The following ANKRD31 variants were observed in gnomAD, a reference collection of about 807,000 sequenced individuals.
ANKRD31 encodes the protein ankyrin repeat domain 31.
In ANKRD31, 147 loss-of-function variants were observed where a neutral mutation model predicts 186.0. The observed-to-expected ratio is 0.79, with a 90% CI of 0.69 to 0.91. The LOEUF (loss-of-function observed/expected upper bound fraction) is 0.91. Among genes scored for constraint, ANKRD31 ranks in the 40% least tolerant of loss-of-function variants. The pLI is 0.00. For missense variants in ANKRD31, 1,986 were observed against 2,148.8 expected (o/e 0.92, Z 1.50); for synonymous variants, 673 against 736.4 (o/e 0.91, Z 1.39).
chr5:75,107,658 G>C, intron 20 of ANKRD31, 41 bp from the exon 21 acceptor site: 586 of 1,117,184 alleles, frequency 5.2e-4, no homozygotes, highest in Non-Finnish European at 6.7e-4. Context: ...CTGAGGGAGA[G>C]TGAATGTCAA....
In ANKRD31 at chr5:75,105,032, G is replaced by T. The variant is rs1189168819; in HGVS notation, c.4527C>A (p.Ile1509=). 1.3e-6 allele frequency: 2 copies of T among 1,536,638 alleles called. No homozygotes were observed. The highest frequency in any genetic ancestry group is 2.0e-5 in the Admixed American group (1 of 50,908). ...SLRKLPPRSE[I]SSEKDSQELT... is the part of the protein sequence containing the mutation. ...GCTCTTGGCTGTCTTTTTCACTAGA[G>T]ATTTCTGATCTGGGTGGGAGCTTCC... Residue 1509 remains isoleucine (I), a synonymous_variant, in exon 22 of 26, where the codon ATC becomes ATA. Transcript: ENST00000506364.
At chr5:75,220,471 C>A (rs1757220057) in intron 3 of ANKRD31, among the ~76,000 whole-genome samples, 1 of 152,020 alleles carries the variant, frequency 6.6e-6, no homozygotes, top group South Asian at 2.1e-4. Flanking sequence ...GAAGCCCTGT[C>A]TCTACTAAAA....
intron 25 of ANKRD31, among the ~76,000 whole-genome samples, chr5:75,078,404 G>A (rs1003178125): frequency 1.3e-5 from 2 of 151,996 alleles, no homozygotes; most frequent in African/African-American, 2.4e-5. Flanking sequence ...TTTATCTAAC[G>A]GACCATTTTA....
At chr5:75,164,601 G>A (rs1752794794) in intron 11 of ANKRD31, among the ~76,000 whole-genome samples, 1 of 152,178 alleles carries the variant, frequency 6.6e-6, no homozygotes, top group East Asian at 1.9e-4. Context: ...TACTGCCAAA[G>A]TAATGTATTC....
At chr5:75,228,955 A>C (rs888757385) in intron 2 of ANKRD31, among the ~76,000 whole-genome samples, 2 of 152,256 alleles carry the variant, frequency 1.3e-5, no homozygotes, top group Non-Finnish European at 2.9e-5. Context: ...GATGATGTAC[A>C]GTGAAAAGAC....
chr5:75,168,188 T>C lies in ANKRD31; in HGVS notation c.1707+791A>G, dbSNP rs1753057157. Among the ~76,000 whole-genome samples the C allele has an allele frequency of 5.9e-5, 9 of 152,196 alleles. 1 individual carries two copies. The highest frequency in any genetic ancestry group is 5.9e-4 in the Admixed American group (9 of 15,276). ...AATATGCCCTGTCTATTCCCATGGC[T>C]CCCAGCAGCCTTCTCCGCCTCTGCC... On this transcript the variant is annotated intron_variant, in intron 11 of 25. Coordinates refer to ENST00000506364, the MANE Select transcript of ANKRD31 (RefSeq NM_001372053.1).
chr5:75,105,240 G>GA (rs1747240645), intron 21 of ANKRD31, 22 bp from the exon 22 acceptor site: 3 of 1,449,722 alleles, frequency 2.1e-6, no homozygotes, highest in South Asian at 1.5e-5. Flanking sequence ...AACAGAAAGA[G>GA]AAAAAATGCA....
Position 75,091,261 on chromosome 5 carries a change from C to T in ANKRD31, c.5472G>A (p.Lys1824=). The change falls in exon 23 of 26, where the codon AAG becomes AAA. Residue 1824 remains lysine, a splice_region_variant and synonymous_variant. Coordinates refer to ENST00000506364, the MANE Select transcript of ANKRD31 (RefSeq NM_001372053.1). ...AAAGATAAACTTAAGAATGACCCAC[C>T]TTACTCCAAGCATAATTCCAGGTCA... ...SYVTWNYAWS[K]VTYLGKELLR... The T allele has an allele frequency of 6.5e-7, 1 of 1,534,490 alleles. No homozygotes were observed. Among genetic ancestry groups the T allele is most frequent in the Non-Finnish European group, 8.7e-7 (1 of 1,146,196 alleles).
At chr5:75,072,555 G>A (rs1321101858) in intron 25 of ANKRD31, among the ~76,000 whole-genome samples, 3 of 152,158 alleles carry the variant, frequency 2.0e-5, no homozygotes, top group South Asian at 2.1e-4. Context: ...TCTAATGAAC[G>A]ACTAAATCTT....
rs1169555921 is a variant in ANKRD31 at position 75,211,982 on chromosome 5, T to C, written c.289-1117A>G. Among the ~76,000 whole-genome samples the C allele has an allele frequency of 2.6e-5, 4 of 152,336 alleles. No homozygotes were observed. In the East Asian group the frequency reaches 5.8e-4, roughly 22 times the overall value. On this transcript the variant is annotated intron_variant, in intron 3 of 25. Coordinates refer to ENST00000506364, the MANE Select transcript of ANKRD31 (RefSeq NM_001372053.1). Reference sequence around the variant, plus strand: ...GACGCTCAAAAGTTTTTAATTTTCATGTAATCTAACTTATCTATTTTTTCT... The same window carrying C: ...GACGCTCAAAAGTTTTTAATTTTCACGTAATCTAACTTATCTATTTTTTCT...
intron 17 of ANKRD31, among the ~76,000 whole-genome samples, chr5:75,130,221 G>A (rs1215061547): frequency 1.3e-5 from 2 of 152,206 alleles, no homozygotes; most frequent in African/African-American, 4.8e-5. Flanking sequence ...TGGGTTCGTG[G>A]TCTCGCTGGC....
intron 11 of ANKRD31, among the ~76,000 whole-genome samples, chr5:75,158,369 G>A (rs547869002): frequency 6.6e-6 from 1 of 152,272 alleles, no homozygotes; most frequent in South Asian, 2.1e-4. Flanking sequence ...AGGGTCACAA[G>A]ACTGCACACT....
chr5:75,142,585 T>G (rs1347234411), intron 15 of ANKRD31, among the ~76,000 whole-genome samples: 1 of 152,162 alleles, frequency 6.6e-6, no homozygotes, highest in Non-Finnish European at 1.5e-5. Flanking sequence ...CTGCTTAGTT[T>G]ACTTTGATAT....
In ANKRD31 at chr5:75,210,824, T is replaced by G; in HGVS notation, c.326+4A>C. The G allele has an allele frequency of 6.7e-7, 1 of 1,499,876 alleles. No homozygotes were observed. Among genetic ancestry groups the G allele is most frequent in the Non-Finnish European group, 8.8e-7 (1 of 1,134,720 alleles). The allele number at this position is 1,499,876 out of a possible 1,614,324, so 92.9% of individuals were successfully genotyped here. On this transcript the variant is annotated splice_donor_region_variant and intron_variant, in intron 4 of 25. Coordinates refer to ENST00000506364, the MANE Select transcript of ANKRD31 (RefSeq NM_001372053.1). Reference sequence around the variant, plus strand: ...ATAATGAAGCCAAAAATTAGTATACTTACTGTAACAGAGCTTGATTTCGTT... The same window carrying G: ...ATAATGAAGCCAAAAATTAGTATACGTACTGTAACAGAGCTTGATTTCGTT...
chr5:75,135,271 C>T (rs1200619034), intron 17 of ANKRD31, among the ~76,000 whole-genome samples: 4 of 152,166 alleles, frequency 2.6e-5, no homozygotes, highest in Admixed American at 6.6e-5. Flanking sequence ...GGAAACCCAT[C>T]GTCTCAGCCC....
At chr5:75,143,846 C>T (rs1207315162) in intron 15 of ANKRD31, among the ~76,000 whole-genome samples, 155 bp downstream of exon 15, 2 of 151,940 alleles carry the variant, frequency 1.3e-5, no homozygotes, top group African/African-American at 4.8e-5. Context: ...TCAAGTGATG[C>T]CTTAACAACA....
chr5:75,225,541 A>G, intron 2 of ANKRD31: 1 of 290,348 alleles, frequency 3.4e-6, no homozygotes. Context: ...ATGAAAGCCT[A>G]TTGTGAATGA....
intron 8 of ANKRD31, 60 bp downstream of exon 8, chr5:75,193,251 T>C: frequency 6.8e-7 from 1 of 1,473,670 alleles, no homozygotes; most frequent in Non-Finnish European, 9.1e-7. Context: ...TCCCCAAGCA[T>C]ATAATTATCT....
At chr5:75,176,397 G>C (rs1389691543) in intron 10 of ANKRD31, among the ~76,000 whole-genome samples, 1 of 152,166 alleles carries the variant, frequency 6.6e-6, no homozygotes, top group Non-Finnish European at 1.5e-5. Context: ...GGTTCTCCCA[G>C]CATGCAGCTT....
Sources: gnomAD v4.1 joint callset for allele counts (sites outside exome capture counted in the v4.1 genomes callset) on GRCh38, gnomAD v4.1.1 for gene constraint, MANE v1.5 for transcripts, NCBI Gene and HGNC (gene_info 2026-07-23, HGNC 2026-07-21) for gene names.